The following DCAKD variants were observed in gnomAD, a reference collection of about 807,000 sequenced individuals.
DCAKD encodes dephospho-CoA kinase domain-containing protein.
DCAKD carries 15 observed loss-of-function variants against 18.7 expected under a neutral mutation model. The observed-to-expected ratio is 0.80, with a 90% CI of 0.54 to 1.24. DCAKD has a LOEUF of 1.24. DCAKD is among the 50% of genes most tolerant of loss of function. DCAKD has a pLI of 0.00. For missense variants in DCAKD, 301 were observed against 322.0 expected (o/e 0.93, Z 0.50); for synonymous variants, 130 against 133.0 (o/e 0.98, Z 0.16).
At chr17:45,059,312 C>T (rs895201826) in intron 1 of DCAKD, among the ~76,000 whole-genome samples, 7 of 152,076 alleles carry the variant, frequency 4.6e-5, no homozygotes, top group Non-Finnish European at 1.5e-5. Flanking sequence ...GTTTTCTTTC[C>T]CTGAGTCAGA....
At chr17:45,029,926 C>T (rs546002287) in intron 4 of DCAKD, among the ~76,000 whole-genome samples, 166 bp downstream of exon 4, 25 of 152,234 alleles carry the variant, frequency 1.6e-4, no homozygotes, top group Admixed American at 1.0e-3. Flanking sequence ...CAGGACTATC[C>T]GCGTCAGGCA....
intron 1 of DCAKD, among the ~76,000 whole-genome samples, chr17:45,047,504 CTTTTTTTTT>C (rs916286343): frequency 1.6e-5 from 2 of 124,532 alleles, no homozygotes; most frequent in African/African-American, 5.9e-5. Flanking sequence ...TGGCTAGTCT[CTTTTTTTTT>C]TTTTTTTTTT....
At position 45,042,190 on chromosome 17, in the gene DCAKD, G is replaced by A. The variant is rs1487600535; in HGVS notation, c.-114-7191C>T. ...GCATGGGAGCAAGTCACATCCCCTT[G>A]GAGGAGCCTCATCCAATCCCCCAAC... is the stretch of plus-strand genomic sequence containing the variant. On this transcript the variant is annotated intron_variant, in intron 1 of 4. Coordinates refer to ENST00000651974, the MANE Select transcript of DCAKD (RefSeq NM_001288655.2). Among the ~76,000 whole-genome samples, 7 of 152,014 alleles carry A rather than the reference G, an allele frequency of 4.6e-5. No individual in the cohort carries two copies. The East Asian group carries it at 1.4e-3, about 29-fold the overall frequency.
chr17:45,051,721 G>A (rs1432327107), upstream of DCAKD: 4 of 91,752 alleles, frequency 4.4e-5, no homozygotes, highest in African/African-American at 1.6e-4. Flanking sequence ...GGGAGAGGTT[G>A]GGTGGGCGGG....
chr17:45,034,426 A>G (rs1160428652), intron 2 of DCAKD, 36 bp from the exon 3 acceptor site: 4 of 1,609,868 alleles, frequency 2.5e-6, no homozygotes, highest in Non-Finnish European at 3.4e-6. Context: ...CACTCCCTGA[A>G]GCCTCAGGGC....
chr17:45,024,747 C>T (rs775126917), intron 4 of DCAKD, 23 bp from the exon 5 acceptor site: 10 of 1,534,406 alleles, frequency 6.5e-6, no homozygotes, highest in Admixed American at 1.8e-5. Flanking sequence ...CAAAAGGGCA[C>T]TGTAGGTCCT....
intron 1 of DCAKD, among the ~76,000 whole-genome samples, chr17:45,058,894 T>G (rs2053817442): frequency 6.6e-6 from 1 of 152,154 alleles, no homozygotes; most frequent in Non-Finnish European, 1.5e-5. Context: ...TGACTGAGGA[T>G]TATCTGCTGC....
chr17:45,030,898 C>G, intron 3 of DCAKD: 1 of 865,574 alleles, frequency 1.2e-6, no homozygotes, highest in Non-Finnish European at 1.4e-6. Flanking sequence ...CTGGCTGGAC[C>G]TCCCACCACA....
intron 3 of DCAKD, among the ~76,000 whole-genome samples, chr17:45,032,895 A>T (rs539149579): frequency 6.6e-6 from 1 of 152,320 alleles, no homozygotes; most frequent in East Asian, 1.9e-4. Flanking sequence ...GCTGGAGGCC[A>T]CATGTGCCAA....
Position 45,026,740 on chromosome 17 carries a change from C to T in DCAKD, c.405-2016G>A, listed in dbSNP as rs1182433074. The T allele has an allele frequency of 3.1e-5, 31 of 985,320 alleles. No individual in the cohort carries two copies. In the Admixed American group the frequency reaches 1.7e-3, roughly 55 times the overall value. The allele number at this position is 985,320 out of a possible 1,614,324, so 61.0% of individuals were successfully genotyped here. A position where few individuals can be genotyped will look rare whatever the true frequency, so the allele number is the denominator to read the frequency against. ...TTTCCTCTGTTACGGGGTCAGTGTA[C>T]TGTGGCCATTGTGGGGCCAATACCC... On this transcript the variant is annotated intron_variant, in intron 4 of 4. Coordinates refer to ENST00000651974, the MANE Select transcript of DCAKD (RefSeq NM_001288655.2).
intron 1 of DCAKD, among the ~76,000 whole-genome samples, chr17:45,042,817 C>T (rs1015975709): frequency 1.3e-5 from 2 of 152,238 alleles, no homozygotes; most frequent in Non-Finnish European, 1.5e-5. Flanking sequence ...TGCCAGTTAC[C>T]TGGAGAGAGC....
chr17:45,050,869 C>A (rs1253203823), intron 1 of DCAKD, among the ~76,000 whole-genome samples: 1 of 152,210 alleles, frequency 6.6e-6, no homozygotes, highest in Non-Finnish European at 1.5e-5. Context: ...GCCTCCTTTG[C>A]GGAGCTGGGG....
intron 1 of DCAKD, among the ~76,000 whole-genome samples, chr17:45,047,686 G>A (rs966166708): frequency 9.2e-5 from 14 of 151,970 alleles, no homozygotes. Context: ...TGTATCTTTA[G>A]TACAGACGGG....
chr17:45,054,903 T>A (rs1490093173), upstream of DCAKD, among the ~76,000 whole-genome samples: 1 of 152,190 alleles, frequency 6.6e-6, no homozygotes, highest in East Asian at 1.9e-4. Flanking sequence ...TTTTCTCAGA[T>A]ACTGCCTTAC....
Position 45,034,917 on chromosome 17 carries a change from C to A in DCAKD, c.-32G>T, listed in dbSNP as rs375423921. 1.2e-6 allele frequency: 2 copies of A among 1,608,664 alleles called. No homozygotes were observed. Among genetic ancestry groups the A allele is most frequent in the Non-Finnish European group, 1.7e-6 (2 of 1,175,996 alleles). The stretch of plus-strand genomic sequence containing the variant: ...GGAAAGAGAGCTGTCCGCGAGACTA[C>A]GGAGCCAGGAGCTACAGAATCACTG... On this transcript the variant is annotated 5_prime_UTR_variant, in exon 2 of 5. Transcript: ENST00000651974.
intron 3 of DCAKD, among the ~76,000 whole-genome samples, chr17:45,033,412 T>C (rs543230151): frequency 2.0e-5 from 3 of 152,270 alleles, no homozygotes; most frequent in African/African-American, 7.2e-5. Flanking sequence ...CATGTGTGAT[T>C]AACTGACAGT....
chr17:45,054,610 T>G (rs1010937739), upstream of DCAKD, among the ~76,000 whole-genome samples: 4 of 152,160 alleles, frequency 2.6e-5, no homozygotes, highest in African/African-American at 9.7e-5. Context: ...AGGCAGTATC[T>G]CTCCTAGTTT....
chr17:45,036,704 A>C (rs1019953467), intron 1 of DCAKD, among the ~76,000 whole-genome samples: 1 of 152,144 alleles, frequency 6.6e-6, no homozygotes. Flanking sequence ...TATTCCTCCA[A>C]CCTCAGACTA....
At chr17:45,026,802 C>T (rs1284740787) in intron 4 of DCAKD, 1 of 985,294 alleles carries the variant, frequency 1.0e-6, no homozygotes, top group East Asian at 1.1e-4. Context: ...CAGCCTTCAT[C>T]AGGGAGACCA....
Sources: allele counts gnomAD v4.1 joint callset (sites outside exome capture counted in the v4.1 genomes callset), GRCh38; gene constraint gnomAD v4.1.1; transcripts MANE v1.5; gene names NCBI Gene and HGNC (gene_info 2026-07-23, HGNC 2026-07-21).